The following AIMP1 variants were observed in gnomAD, a reference collection of about 807,000 sequenced individuals.
The protein encoded by AIMP1 is aminoacyl tRNA synthetase complex interacting multifunctional protein 1, also known as aminoacyl tRNA synthase complex-interacting multifunctional protein 1.
In AIMP1, 24 loss-of-function variants were observed where a neutral mutation model predicts 33.1. The observed-to-expected ratio is 0.73, with a 90% CI of 0.53 to 1.02. The LOEUF is 1.02. AIMP1 is among the 50% of genes least tolerant of loss of function. The pLI, the probability that AIMP1 is intolerant of heterozygous loss-of-function variation, is 0.00. For synonymous variants in AIMP1, 120 were observed against 121.5 expected (o/e 0.99, Z 0.08); for missense variants, 367 against 364.8 (o/e 1.01, Z -0.05).
intron 5 of AIMP1, among the ~76,000 whole-genome samples, chr4:106,333,438 G>A (rs1255635296): frequency 6.6e-6 from 1 of 152,178 alleles, no homozygotes; most frequent in African/African-American, 2.4e-5. Context: ...ATCATCAAGA[G>A]TACAAGGAAG....
chr4:106,334,112 C>A (rs892534769), intron 5 of AIMP1, among the ~76,000 whole-genome samples: 5 of 152,072 alleles, frequency 3.3e-5, no homozygotes, highest in African/African-American at 1.2e-4. Context: ...GATAGTTCTG[C>A]CTTTGTTTAT....
intron 4 of AIMP1, among the ~76,000 whole-genome samples, chr4:106,329,238 C>G (rs1169011832): frequency 6.6e-6 from 1 of 152,162 alleles, no homozygotes; most frequent in Admixed American, 6.5e-5. Context: ...GAAAGCAAGT[C>G]AGACTAACTC....
At chr4:106,346,141 A>C (rs1351728755) in intron 6 of AIMP1, among the ~76,000 whole-genome samples, 1 of 152,010 alleles carries the variant, frequency 6.6e-6, no homozygotes, top group African/African-American at 2.4e-5. Flanking sequence ...TCTTCATTCT[A>C]AATATTGAAC....
Position 106,316,603 on chromosome 4 carries a change from C to T in AIMP1, c.-26+9C>T. 6.4e-7 allele frequency: 1 copy of T among 1,550,946 alleles called. No homozygotes were observed. The highest frequency in any genetic ancestry group is 8.7e-7 in the Non-Finnish European group (1 of 1,146,686). On this transcript the variant is annotated intron_variant, in intron 1 of 6. Coordinates refer to ENST00000672341, the MANE Select transcript of AIMP1 (RefSeq NM_001142416.2). The stretch of plus-strand genomic sequence containing the variant: ...GTGGTCCTCCGCTTCATGTGAGTGA[C>T]GTCGTGGCGGGTCACTCACTCGGGG...
chr4:106,329,771 T>C (rs1018803965), intron 4 of AIMP1, among the ~76,000 whole-genome samples: 1 of 119,838 alleles, frequency 8.3e-6, no homozygotes, highest in East Asian at 2.3e-4. Flanking sequence ...CTGCTACATA[T>C]CTTTTTTTTT....
intron 6 of AIMP1, among the ~76,000 whole-genome samples, chr4:106,344,362 A>G (rs1770213467): frequency 6.6e-6 from 1 of 152,002 alleles, no homozygotes; most frequent in African/African-American, 2.4e-5. Flanking sequence ...TCATTTTTCC[A>G]TGGTATTTTT....
At chr4:106,334,849 T>A (rs768830923) in intron 5 of AIMP1, among the ~76,000 whole-genome samples, 2 of 152,112 alleles carry the variant, frequency 1.3e-5, no homozygotes, top group Non-Finnish European at 2.9e-5. Flanking sequence ...TTTCAGGCAG[T>A]CCTGGGAGAA....
intron 1 of AIMP1, 28 bp downstream of exon 1, chr4:106,316,622 C>A: frequency 6.5e-7 from 1 of 1,549,774 alleles, no homozygotes; most frequent in Non-Finnish European, 8.7e-7. Context: ...GGGTCACTCA[C>A]TCGGGGATCG....
chr4:106,325,844 T>A (rs780141956), intron 2 of AIMP1, among the ~76,000 whole-genome samples: 1 of 152,036 alleles, frequency 6.6e-6, no homozygotes, highest in Non-Finnish European at 1.5e-5. Context: ...TTAAAACATA[T>A]CTTAATCCTA....
chr4:106,328,389 A>T (rs1161455270), intron 4 of AIMP1, 146 bp downstream of exon 4: 2 of 1,103,854 alleles, frequency 1.8e-6, no homozygotes, highest in Non-Finnish European at 2.5e-6. Flanking sequence ...ATATTGGAAC[A>T]TAAAAGCTGG....
intron 5 of AIMP1, among the ~76,000 whole-genome samples, 177 bp from the exon 6 acceptor site, chr4:106,336,692 C>T (rs568615166): frequency 7.9e-5 from 12 of 151,830 alleles, no homozygotes; most frequent in Non-Finnish European, 1.5e-4. Flanking sequence ...ATTTTTTTTT[C>T]ATGTTTATGC....
chr4:106,328,040 T>A, intron 3 of AIMP1, 36 bp from the exon 4 acceptor site: 3 of 1,606,676 alleles, frequency 1.9e-6, no homozygotes, highest in Non-Finnish European at 2.6e-6. Context: ...ATTTATTGGT[T>A]TAATATGAAT....
At chr4:106,338,162 C>T (rs1461415413) in intron 6 of AIMP1, among the ~76,000 whole-genome samples, 1 of 152,056 alleles carries the variant, frequency 6.6e-6, no homozygotes, top group African/African-American at 2.4e-5. Flanking sequence ...GGAAGCAGAG[C>T]ATAAAAGTTT....
intron 1 of AIMP1, among the ~76,000 whole-genome samples, chr4:106,323,524 A>G (rs1216472710): frequency 1.3e-5 from 2 of 151,916 alleles, no homozygotes; most frequent in East Asian, 1.9e-4. Flanking sequence ...ACAGAATACC[A>G]TGTTGTTACT....
At chr4:106,321,865 G>T (rs2125919341) in intron 1 of AIMP1, among the ~76,000 whole-genome samples, 1 of 152,190 alleles carries the variant, frequency 6.6e-6, no homozygotes, top group East Asian at 1.9e-4. Context: ...AAATTCTTCT[G>T]CCTTGGGATG....
chr4:106,342,300 G>A (rs1476180969), intron 6 of AIMP1, among the ~76,000 whole-genome samples: 1 of 152,142 alleles, frequency 6.6e-6, no homozygotes, highest in Non-Finnish European at 1.5e-5. Flanking sequence ...TGATTGCTCT[G>A]TGTAGGACTC....
intron 6 of AIMP1, among the ~76,000 whole-genome samples, chr4:106,337,685 A>T (rs1717790695): frequency 6.6e-6 from 1 of 152,220 alleles, no homozygotes. Context: ...TGTGGAAGCG[A>T]CTTTGGAACT....
At chr4:106,316,335 A>C (rs1035162697), upstream of AIMP1, 2 of 565,704 alleles carry the variant, frequency 3.5e-6, no homozygotes, top group Middle Eastern at 3.2e-4. Context: ...ATATAGCGAG[A>C]GAGAAAGAGG....
At chr4:106,331,959 T>C (rs1214354069) in intron 5 of AIMP1, 76 bp downstream of exon 5, 48 of 1,329,956 alleles carry the variant, frequency 3.6e-5, no homozygotes, top group Non-Finnish European at 5.1e-5. Flanking sequence ...CTTTCCATTA[T>C]AATTTTGTAT....
Sources: allele counts gnomAD v4.1 joint callset (sites outside exome capture counted in the v4.1 genomes callset), GRCh38; gene constraint gnomAD v4.1.1; transcripts MANE v1.5; gene names NCBI Gene and HGNC (gene_info 2026-07-23, HGNC 2026-07-21).